ADORA2B: variants seen among roughly 807,000 people sequenced by gnomAD.
The protein encoded by ADORA2B is adenosine A2b receptor, also known as adenosine receptor A2b.
ADORA2B carries 18 observed loss-of-function variants against 20.8 expected under a neutral mutation model. The ratio of observed to expected loss-of-function variants is 0.87; its 90% CI spans 0.60 to 1.29. The LOEUF is 1.29. Ranked by LOEUF, ADORA2B falls within the 50% of genes most tolerant of loss-of-function variation. The probability of loss-of-function intolerance (pLI) is 0.00; values close to 1 mark genes in which losing one functional copy is unlikely to be tolerated. For synonymous variants in ADORA2B, 179 were observed against 178.3 expected, an observed-to-expected ratio of 1.00 and a Z score of -0.03; for missense variants, 441 against 422.7, an observed-to-expected ratio of 1.04 and a Z score of -0.38.
At chr17:15,917,225 A>G in the ADORA2B span, among the ~76,000 whole-genome samples, 1 of 152,126 alleles carries the variant, frequency 6.6e-6, no homozygotes, top group Non-Finnish European at 1.5e-5. Flanking sequence ...AATCGCTTGA[A>G]CCCGAGAGAT....
the ADORA2B span, among the ~76,000 whole-genome samples, chr17:15,886,558 G>A: frequency 2.3e-5 from 3 of 130,446 alleles, no homozygotes; most frequent in Non-Finnish European, 4.9e-5. Context: ...GGCTTAGGGG[G>A]ACTGCCAGTC....
At chr17:15,939,529 G>A in the ADORA2B span, among the ~76,000 whole-genome samples, 1 of 152,142 alleles carries the variant, frequency 6.6e-6, no homozygotes, top group East Asian at 1.9e-4. Context: ...TGTTTGACTG[G>A]GGGAGGCTGA....
At chr17:15,959,611 C>T (rs1970011119) in intron 1 of ADORA2B, among the ~76,000 whole-genome samples, 1 of 150,846 alleles carries the variant, frequency 6.6e-6, no homozygotes, top group Non-Finnish European at 1.5e-5. Flanking sequence ...AGTGATTCTC[C>T]TGCCTCAGCC....
At chr17:15,968,813 G>A (rs1465374132) in intron 1 of ADORA2B, among the ~76,000 whole-genome samples, 5 of 152,120 alleles carry the variant, frequency 3.3e-5, no homozygotes, top group East Asian at 1.9e-4. Context: ...GATGTGAGGG[G>A]TCCACAGCCC....
chr17:15,948,601 G>A (rs1265070025), intron 1 of ADORA2B, among the ~76,000 whole-genome samples: 3 of 152,154 alleles, frequency 2.0e-5, no homozygotes, highest in South Asian at 2.1e-4. Flanking sequence ...GGGGGTCTTC[G>A]CTGCTTGTAG....
At chr17:15,877,458 C>T in the ADORA2B span, among the ~76,000 whole-genome samples, 3 of 152,228 alleles carry the variant, frequency 2.0e-5, no homozygotes, top group South Asian at 4.1e-4. Flanking sequence ...CTCCTGATGT[C>T]AGTGTCTTTA....
At chr17:15,916,994 T>C in the ADORA2B span, among the ~76,000 whole-genome samples, 2 of 152,224 alleles carry the variant, frequency 1.3e-5, no homozygotes, top group Non-Finnish European at 2.9e-5. Flanking sequence ...CCACCTGTCC[T>C]GGAGAAGGAG....
the ADORA2B span, among the ~76,000 whole-genome samples, chr17:15,899,377 T>A: frequency 6.6e-6 from 1 of 152,208 alleles, no homozygotes; most frequent in South Asian, 2.1e-4. Context: ...ATGTATATAT[T>A]CAAGTAAATA....
chr17:15,935,332 G>A, the ADORA2B span, among the ~76,000 whole-genome samples: 1 of 151,750 alleles, frequency 6.6e-6, no homozygotes, highest in African/African-American at 2.4e-5. Context: ...AGAATTTTTG[G>A]TTGGCAGTTT....
At chr17:15,891,952 ATTC>A in the ADORA2B span, among the ~76,000 whole-genome samples, 2,359 of 149,714 alleles carry the variant, frequency 0.016, 29 homozygotes, top group Middle Eastern at 0.07. Flanking sequence ...GGTTCAAGCA[ATTC>A]TTCTGCCTCA....
At chr17:15,915,067 C>T in the ADORA2B span, among the ~76,000 whole-genome samples, 1 of 152,228 alleles carries the variant, frequency 6.6e-6, no homozygotes, top group African/African-American at 2.4e-5. Flanking sequence ...AGAAGTGCAG[C>T]ATAGCCTCAC....
At chr17:15,964,800 G>A (rs1008939649) in intron 1 of ADORA2B, among the ~76,000 whole-genome samples, 44 of 150,178 alleles carry the variant, frequency 2.9e-4, no homozygotes, top group African/African-American at 1.0e-3. Context: ...GGTGGCTCAC[G>A]CCTGTAACCC....
At chr17:15,872,338 A>G in the ADORA2B span, among the ~76,000 whole-genome samples, 1 of 152,196 alleles carries the variant, frequency 6.6e-6, no homozygotes, top group Non-Finnish European at 1.5e-5. Context: ...GAAGTCCAGT[A>G]ATATGATGCC....
At chr17:15,952,495 CCCTTAA>C (rs982892644) in intron 1 of ADORA2B, among the ~76,000 whole-genome samples, 27 of 152,268 alleles carry the variant, frequency 1.8e-4, no homozygotes, top group African/African-American at 6.5e-4. Context: ...TTCCCAGGAG[CCCTTAA>C]CCATCATGTG....
chr17:15,885,973 A>G, the ADORA2B span, among the ~76,000 whole-genome samples: 2 of 152,152 alleles, frequency 1.3e-5, no homozygotes, highest in African/African-American at 4.8e-5. Flanking sequence ...GCTTCATTCA[A>G]TTTGATGTCA....
At chr17:15,880,921 G>C in the ADORA2B span, among the ~76,000 whole-genome samples, 1 of 152,178 alleles carries the variant, frequency 6.6e-6, no homozygotes, top group Non-Finnish European at 1.5e-5. Flanking sequence ...TAGGGCATAT[G>C]CTTAAAGTAC....
At chr17:15,850,643 C>T in the ADORA2B span, 2 of 169,598 alleles carry the variant, frequency 1.2e-5, no homozygotes, top group Middle Eastern at 2.9e-3. Flanking sequence ...ATGAGGACCT[C>T]CCCAGCAGCT....
At chr17:15,889,897 C>CAATA in the ADORA2B span, among the ~76,000 whole-genome samples, 41 of 128,752 alleles carry the variant, frequency 3.2e-4, 5 homozygotes, top group African/African-American at 5.3e-4. Flanking sequence ...GACTCTGTCT[C>CAATA]AATAAATAAA....
chr17:15,865,610 A>G, the ADORA2B span, among the ~76,000 whole-genome samples: 1 of 152,182 alleles, frequency 6.6e-6, no homozygotes, highest in Non-Finnish European at 1.5e-5. Context: ...TCACACAGTC[A>G]CCACTCGCAT....
Sources: gnomAD v4.1 joint callset for allele counts (sites outside exome capture counted in the v4.1 genomes callset) on GRCh38, gnomAD v4.1.1 for gene constraint, MANE v1.5 for transcripts, NCBI Gene and HGNC (gene_info 2026-07-23, HGNC 2026-07-21) for gene names.